The following CHRM5 variants were observed in gnomAD, a reference collection of about 807,000 sequenced individuals.
CHRM5 encodes the protein cholinergic receptor muscarinic 5.
In CHRM5, 18 loss-of-function variants were observed where a neutral mutation model predicts 39.0. The ratio of observed to expected loss-of-function variants is 0.46; its 90% CI spans 0.32 to 0.68. The LOEUF is 0.68. Among genes scored for constraint, CHRM5 ranks in the 30% least tolerant of loss-of-function variants. The probability of loss-of-function intolerance (pLI) is 0.04; values close to 1 mark genes in which losing one functional copy is unlikely to be tolerated. For synonymous variants in CHRM5, 241 were observed against 246.3 expected, an observed-to-expected ratio of 0.98 and a Z score of 0.20; for missense variants, 515 against 651.1, an observed-to-expected ratio of 0.79 and a Z score of 2.28.
intron 1 of CHRM5, among the ~76,000 whole-genome samples, chr15:34,005,975 T>C (rs1186816938): frequency 6.6e-6 from 1 of 152,166 alleles, no homozygotes; most frequent in Non-Finnish European, 1.5e-5. Context: ...AGAGATATAA[T>C]AGAATCTGCT....
At chr15:33,990,386 A>G (rs1896670834) in intron 1 of CHRM5, among the ~76,000 whole-genome samples, 1 of 152,142 alleles carries the variant, frequency 6.6e-6, no homozygotes, top group African/African-American at 2.4e-5. Context: ...TGTCTGAAAA[A>G]AAAAAGAAAA....
intron 1 of CHRM5, among the ~76,000 whole-genome samples, chr15:34,036,693 C>T (rs550095563): frequency 6.6e-6 from 1 of 152,288 alleles, no homozygotes; most frequent in Non-Finnish European, 1.5e-5. Context: ...TGGCTGAAAA[C>T]ATGATGATGA....
chr15:34,020,638 G>C (rs1898163286), intron 1 of CHRM5, among the ~76,000 whole-genome samples: 1 of 152,178 alleles, frequency 6.6e-6, no homozygotes, highest in Admixed American at 6.5e-5. Context: ...ATGGGCAGCT[G>C]TAACTTCATA....
rs531224218 is a variant in CHRM5 at position 33,996,472 on chromosome 15, G to A, written c.-408+27322G>A. On this transcript the variant is annotated intron_variant, in intron 1 of 2. Coordinates refer to ENST00000383263, the MANE Select transcript of CHRM5 (RefSeq NM_012125.4). ...ATACAGGCGGGTGCCCCTCTGGGAC[G>A]AAGCTTCCAGAGGAAGGATCAGGCA... is the stretch of plus-strand genomic sequence containing the variant. 4.0e-3 allele frequency among the ~76,000 whole-genome samples: 609 copies of A among 152,288 alleles called. 3 individuals carry two copies. The highest frequency in any genetic ancestry group is 0.013 in the African/African-American group (555 of 41,552).
At chr15:33,983,955 C>A (rs1896308721) in intron 1 of CHRM5, among the ~76,000 whole-genome samples, 1 of 150,230 alleles carries the variant, frequency 6.7e-6, no homozygotes. Context: ...CAGAAAAACC[C>A]AAATTAAGGG....
chr15:34,017,015 A>ATCCCTGT (rs200358414), intron 1 of CHRM5, among the ~76,000 whole-genome samples: 94,969 of 151,738 alleles, frequency 0.63, 34,732 homozygotes, highest in Non-Finnish European at 0.82. Context: ...CCTGTAGTCC[A>ATCCCTGT]AGCTACTCAG....
In CHRM5 at chr15:34,063,355, A is replaced by G; in HGVS notation, c.638A>G (p.Tyr213Cys). Residue 213 changes from tyrosine (Y) to cysteine (C), a missense_variant, in exon 3 of 3, where the codon TAC becomes TGC. Coordinates refer to ENST00000383263, the MANE Select transcript of CHRM5 (RefSeq NM_012125.4). The surrounding 1 kb of genome is among the most constrained non-coding windows in gnomAD (Gnocchi z 4.1). ...CCTGTTTCTGTCATGACCATCCTCTACTGTCGAATCTACCGGGAAACAGAG... is the reference window on the plus strand; with the variant it reads ...CCTGTTTCTGTCATGACCATCCTCTGCTGTCGAATCTACCGGGAAACAGAG... ...YIPVSVMTIL[Y>C]CRIYRETEKR... is the part of the protein sequence containing the mutation. 1 of 1,614,010 alleles carries G rather than the reference A, an allele frequency of 6.2e-7. No homozygotes were observed. Among genetic ancestry groups the G allele is most frequent in the South Asian group, 1.1e-5 (1 of 91,082 alleles).
chr15:34,003,917 A>G (rs1302762445), intron 1 of CHRM5, among the ~76,000 whole-genome samples: 1 of 152,242 alleles, frequency 6.6e-6, no homozygotes, highest in Non-Finnish European at 1.5e-5. Context: ...GATGTTATAT[A>G]TTGACTCAAA....
chr15:33,990,060 C>T (rs1896651456), intron 1 of CHRM5, among the ~76,000 whole-genome samples: 1 of 151,738 alleles, frequency 6.6e-6, no homozygotes, highest in South Asian at 2.1e-4. Context: ...CAAAATTAGC[C>T]GGGCGTGGTG....
At chr15:34,037,741 A>G (rs1899214995) in intron 1 of CHRM5, among the ~76,000 whole-genome samples, 1 of 152,064 alleles carries the variant, frequency 6.6e-6, no homozygotes, top group Non-Finnish European at 1.5e-5. Flanking sequence ...TAAGTTTGTT[A>G]CATTTAAATT....
At chr15:33,984,033 T>G (rs1355398201) in intron 1 of CHRM5, among the ~76,000 whole-genome samples, 1 of 151,696 alleles carries the variant, frequency 6.6e-6, no homozygotes, top group African/African-American at 2.4e-5. Context: ...CTGTCACAAA[T>G]AAGAAGAGAC....
At chr15:34,049,107 C>T (rs1278274385) in intron 2 of CHRM5, among the ~76,000 whole-genome samples, 2 of 152,190 alleles carry the variant, frequency 1.3e-5, no homozygotes, top group Non-Finnish European at 2.9e-5. Context: ...ACAGATTCAA[C>T]ACAAAAATGC....
chr15:34,037,104 C>G (rs1356746379), intron 1 of CHRM5, among the ~76,000 whole-genome samples: 1 of 129,056 alleles, frequency 7.7e-6, no homozygotes, highest in Non-Finnish European at 1.5e-5. Flanking sequence ...AGTAAAACTC[C>G]GTCTCAAAAA....
chr15:33,991,909 G>T, intron 1 of CHRM5: 1 of 153,582 alleles, frequency 6.5e-6, no homozygotes, highest in Admixed American at 6.5e-5. Context: ...AAGCTGCCTA[G>T]GCTGGATCTG....
At position 34,057,145 on chromosome 15, in the gene CHRM5, T is replaced by TG. The variant is rs1322804169; in HGVS notation, c.-75-5498_-75-5497insG. Reference sequence around the variant, plus strand: ...AGAAGAGTTTTGGTTTTTTTTGGTTTTTTTTTTTAGGTGGAGTCTTGCTGT... The same window carrying TG: ...AGAAGAGTTTTGGTTTTTTTTGGTTTGTTTTTTTTAGGTGGAGTCTTGCTGT... On this transcript the variant is annotated intron_variant, in intron 2 of 2. Transcript: ENST00000383263. 2.6e-5 allele frequency among the ~76,000 whole-genome samples: 4 copies of TG among 151,400 alleles called. No individual in the cohort carries two copies. In the East Asian group the frequency reaches 5.8e-4, roughly 22 times the overall value.
chr15:34,063,522 G>T lies in CHRM5; in HGVS notation c.805G>T (p.Ala269Ser). 6.2e-7 allele frequency: 1 copy of T among 1,613,674 alleles called. No individual in the cohort carries two copies. Among genetic ancestry groups the T allele is most frequent in the Non-Finnish European group, 8.5e-7 (1 of 1,180,026 alleles). ...CCTGGCCCAGCGGGAAAGGAACCAG[G>T]CCTCCTGGTCATCCTCCCGCAGGAG... ...PTLAQRERNQ[A>S]SWSSSRRSTS... is the part of the protein sequence containing the mutation. The change falls in exon 3 of 3, where the codon GCC becomes TCC. Residue 269 changes from alanine (A) to serine (S), a missense_variant. By Grantham distance (99) the Ala-to-Ser change is moderately conservative. Transcript: ENST00000383263. The surrounding 1 kb of genome is among the most constrained non-coding windows in gnomAD (Gnocchi z 4.1).
At chr15:34,045,182 C>G (rs1470515864) in intron 1 of CHRM5, among the ~76,000 whole-genome samples, 2 of 152,194 alleles carry the variant, frequency 1.3e-5, no homozygotes, top group Non-Finnish European at 2.9e-5. Context: ...AAGATGAACT[C>G]TTTCAGTTCA....
intron 1 of CHRM5, chr15:33,991,065 T>A (rs537586777): frequency 6.6e-6 from 1 of 152,202 alleles, no homozygotes; most frequent in African/African-American, 2.4e-5. Flanking sequence ...TCCCAATGGA[T>A]GCAACTCCTG....
At chr15:34,025,128 C>T (rs1373838799) in intron 1 of CHRM5, among the ~76,000 whole-genome samples, 1 of 152,014 alleles carries the variant, frequency 6.6e-6, no homozygotes. Context: ...AGAGATCGCA[C>T]CACTGCACTC....
Sources: allele counts gnomAD v4.1 joint callset (sites outside exome capture counted in the v4.1 genomes callset), GRCh38; gene constraint gnomAD v4.1.1; non-coding constraint Gnocchi (gnomAD v3.1); transcripts MANE v1.5; gene names NCBI Gene and HGNC (gene_info 2026-07-23, HGNC 2026-07-21).